Variants in CPNE4 observed in about 807,000 individuals in gnomAD.
CPNE4 encodes copine 4.
In CPNE4, 25 loss-of-function variants were observed where a neutral mutation model predicts 67.9. That is an observed-to-expected ratio of 0.37 (90% CI 0.27 to 0.51). The LOEUF (loss-of-function observed/expected upper bound fraction) is 0.51, where lower values mean the gene tolerates loss of function less well. Among genes scored for constraint, CPNE4 ranks in the 20% least tolerant of loss-of-function variants. The pLI, the probability that CPNE4 is intolerant of heterozygous loss-of-function variation, is 0.93. For synonymous variants in CPNE4, 242 were observed against 244.9 expected (o/e 0.99, Z 0.11); for missense variants, 464 against 690.8 (o/e 0.67, Z 3.68).
intron 2 of CPNE4, among the ~76,000 whole-genome samples, chr3:131,770,000 C>T (rs2083124404): frequency 6.6e-6 from 1 of 152,102 alleles, no homozygotes; most frequent in Admixed American, 6.6e-5. Context: ...GTTCTTGATG[C>T]ATTCACTTCA....
intron 2 of CPNE4, among the ~76,000 whole-genome samples, chr3:131,848,610 T>C (rs749333906): frequency 1.3e-5 from 2 of 151,502 alleles, no homozygotes; most frequent in Non-Finnish European, 2.9e-5. Flanking sequence ...AAGTGGGGCA[T>C]TGGAAACTTC....
At chr3:131,941,107 G>A (rs1210746975) in intron 1 of CPNE4, among the ~76,000 whole-genome samples, 2 of 152,056 alleles carry the variant, frequency 1.3e-5, no homozygotes, top group African/African-American at 4.8e-5. Context: ...CACTTAGTGA[G>A]TGGAATGCTG....
chr3:131,862,132 A>G (rs1236456035), intron 2 of CPNE4, among the ~76,000 whole-genome samples: 1 of 152,210 alleles, frequency 6.6e-6, no homozygotes, highest in Non-Finnish European at 1.5e-5. Context: ...GAACTTTGGT[A>G]CATTATAAAC....
chr3:131,757,670 C>T (rs780009512), intron 2 of CPNE4, among the ~76,000 whole-genome samples: 2 of 152,206 alleles, frequency 1.3e-5, no homozygotes, highest in African/African-American at 4.8e-5. Flanking sequence ...ATCCCCAACA[C>T]CCTGGGGAAA....
intron 1 of CPNE4, among the ~76,000 whole-genome samples, chr3:132,003,678 C>T (rs1424776393): frequency 6.6e-6 from 1 of 152,114 alleles, no homozygotes; most frequent in African/African-American, 2.4e-5. Context: ...TTATATTACA[C>T]AAACCATCAT....
At chr3:131,853,208 T>G (rs2086304589) in intron 2 of CPNE4, among the ~76,000 whole-genome samples, 2 of 151,854 alleles carry the variant, frequency 1.3e-5, no homozygotes, top group Admixed American at 6.6e-5. Flanking sequence ...GTGATACTGA[T>G]ATAAGGATAG....
chr3:131,906,937 TTG>T (rs2088793287), intron 1 of CPNE4, among the ~76,000 whole-genome samples: 1 of 151,980 alleles, frequency 6.6e-6, no homozygotes, highest in Non-Finnish European at 1.5e-5. Context: ...TTTTTAATGA[TTG>T]CCATTCTAAC....
At chr3:131,943,346 A>G (rs542256127) in intron 1 of CPNE4, among the ~76,000 whole-genome samples, 4 of 152,248 alleles carry the variant, frequency 2.6e-5, no homozygotes, top group Admixed American at 2.6e-4. Context: ...TTCAGAATTT[A>G]AAATATTTTA....
intron 2 of CPNE4, among the ~76,000 whole-genome samples, chr3:131,792,623 A>G (rs371761935): frequency 8.2e-4 from 62 of 76,012 alleles, no homozygotes; most frequent in South Asian, 2.1e-3. Flanking sequence ...ATATATGTAT[A>G]TATATATACA....
At position 131,683,905 on chromosome 3, in the gene CPNE4, T is replaced by C. The variant is rs145995967; in HGVS notation, c.591+1970A>G. Among the ~76,000 whole-genome samples, 250 of 152,272 alleles carry C rather than the reference T, an allele frequency of 1.6e-3. 1 individual carries two copies. The highest frequency in any genetic ancestry group is 2.7e-3 in the Non-Finnish European group (185 of 68,018). ...TCCTCCATGGGCGCAGGATGAGTTA[T>C]GCCCAGTATTGCTTTCTGCTGTGAT... On this transcript the variant is annotated intron_variant, in intron 6 of 15. Transcript: ENST00000429747.
chr3:131,544,083 G>C (rs1559871201), intron 14 of CPNE4, among the ~76,000 whole-genome samples: 1 of 152,210 alleles, frequency 6.6e-6, no homozygotes, highest in African/African-American at 2.4e-5. Context: ...GAGGCATCAT[G>C]ATGGCCTTTA....
chr3:131,762,067 A>T (rs201633556), intron 2 of CPNE4, among the ~76,000 whole-genome samples: 2 of 152,010 alleles, frequency 1.3e-5, no homozygotes, highest in Non-Finnish European at 2.9e-5. Context: ...GATCTTTCTA[A>T]CAACTTTGAT....
chr3:132,018,321 T>C (rs1367100328), intron 1 of CPNE4, among the ~76,000 whole-genome samples: 1 of 152,162 alleles, frequency 6.6e-6, no homozygotes, highest in Non-Finnish European at 1.5e-5. Flanking sequence ...AGAGAGTCCA[T>C]AGTTTTTAGC....
intron 12 of CPNE4, among the ~76,000 whole-genome samples, chr3:131,554,416 T>C (rs2107649360): frequency 6.6e-6 from 1 of 152,206 alleles, no homozygotes; most frequent in African/African-American, 2.4e-5. Flanking sequence ...ATAATGTCTA[T>C]AGGCCACCAG....
At chr3:131,600,058 G>C (rs887833972) in intron 7 of CPNE4, among the ~76,000 whole-genome samples, 14 of 152,210 alleles carry the variant, frequency 9.2e-5, no homozygotes, top group African/African-American at 3.1e-4. Flanking sequence ...TTGTTTCTTG[G>C]GGGCTGAGGG....
At chr3:131,832,863 C>T (rs1436177772) in intron 2 of CPNE4, among the ~76,000 whole-genome samples, 1 of 152,110 alleles carries the variant, frequency 6.6e-6, no homozygotes, top group Non-Finnish European at 1.5e-5. Context: ...ATGAGAAGTA[C>T]ACAAATTTTG....
At chr3:132,019,769 A>C (rs888662442) in intron 1 of CPNE4, among the ~76,000 whole-genome samples, 3 of 152,168 alleles carry the variant, frequency 2.0e-5, no homozygotes, top group African/African-American at 7.2e-5. Context: ...TGGTTCTCAA[A>C]AGTTCTAATA....
chr3:132,022,057 A>G (rs1252868998), intron 1 of CPNE4, among the ~76,000 whole-genome samples: 1 of 152,202 alleles, frequency 6.6e-6, no homozygotes, highest in Non-Finnish European at 1.5e-5. Flanking sequence ...ATAACTGTCA[A>G]CCATTTCTGC....
intron 2 of CPNE4, among the ~76,000 whole-genome samples, chr3:131,815,350 T>C (rs1013110615): frequency 6.6e-6 from 1 of 152,116 alleles, no homozygotes; most frequent in East Asian, 1.9e-4. Context: ...GAATTGAAAA[T>C]GGGGTTAACT....
Sources: allele counts gnomAD v4.1 joint callset (sites outside exome capture counted in the v4.1 genomes callset), GRCh38; gene constraint gnomAD v4.1.1; transcripts MANE v1.5; gene names NCBI Gene and HGNC (gene_info 2026-07-23, HGNC 2026-07-21).